Variants in LTBP1 observed in about 807,000 individuals in gnomAD.
LTBP1 encodes the protein latent transforming growth factor beta binding protein 1.
A neutral mutation model predicts 207.6 loss-of-function variants in LTBP1; 129 were observed. That is an observed-to-expected ratio of 0.62 (90% CI 0.54 to 0.72). The LOEUF (loss-of-function observed/expected upper bound fraction) is 0.72. Among genes scored for constraint, LTBP1 ranks in the 30% least tolerant of loss-of-function variants. The pLI, the probability that LTBP1 is intolerant of heterozygous loss-of-function variation, is 0.00. For missense variants in LTBP1, 2,281 were observed against 2,217.2 expected, an observed-to-expected ratio of 1.03 and a Z score of -0.58; for synonymous variants, 963 against 833.7, an observed-to-expected ratio of 1.16 and a Z score of -2.67.
intron 18 of LTBP1, among the ~76,000 whole-genome samples, chr2:33,279,075 C>T (rs2093504492): frequency 6.6e-6 from 1 of 151,990 alleles, no homozygotes; most frequent in South Asian, 2.1e-4. Context: ...TAGTTTATGT[C>T]CTGAAAATCC....
At chr2:33,040,760 G>A (rs1462782479) in intron 3 of LTBP1, among the ~76,000 whole-genome samples, 2 of 152,232 alleles carry the variant, frequency 1.3e-5, no homozygotes, top group Admixed American at 1.3e-4. Flanking sequence ...CAGGCATAGA[G>A]CAGTTGGAAC....
intron 23 of LTBP1, among the ~76,000 whole-genome samples, chr2:33,311,295 T>C (rs2094183921): frequency 6.6e-6 from 1 of 152,216 alleles, no homozygotes; most frequent in Admixed American, 6.5e-5. Context: ...AAGACAGATA[T>C]TTTAAAAATC....
intron 5 of LTBP1, among the ~76,000 whole-genome samples, chr2:33,172,441 A>G (rs371056694): frequency 6.6e-6 from 1 of 152,120 alleles, no homozygotes; most frequent in East Asian, 1.9e-4. Flanking sequence ...ATCAATTCAA[A>G]AAGAAGAGCT....
intron 3 of LTBP1, among the ~76,000 whole-genome samples, chr2:33,080,177 C>T (rs951204267): frequency 4.6e-5 from 7 of 152,072 alleles, no homozygotes; most frequent in African/African-American, 1.7e-4. Flanking sequence ...CAGGTGTGTG[C>T]CACCATGCCT....
At chr2:33,388,687 G>A (rs185939182) in intron 31 of LTBP1, among the ~76,000 whole-genome samples, 5 of 152,252 alleles carry the variant, frequency 3.3e-5, no homozygotes, top group East Asian at 3.9e-4. Context: ...AGTTATAATC[G>A]TGACTACTAA....
intron 20 of LTBP1, among the ~76,000 whole-genome samples, chr2:33,299,226 G>A (rs1457636593): frequency 1.3e-5 from 2 of 149,966 alleles, no homozygotes; most frequent in Non-Finnish European, 3.0e-5. Flanking sequence ...TGGCGACAGA[G>A]CGAGACTCTG....
chr2:33,357,643 T>C (rs916231437), intron 26 of LTBP1, among the ~76,000 whole-genome samples: 1 of 152,168 alleles, frequency 6.6e-6, no homozygotes, highest in African/African-American at 2.4e-5. Context: ...AACCGAACTT[T>C]CTTGTTGTTA....
At chr2:33,175,220 A>G (rs1268451025) in intron 5 of LTBP1, among the ~76,000 whole-genome samples, 1 of 151,436 alleles carries the variant, frequency 6.6e-6, no homozygotes, top group Non-Finnish European at 1.5e-5. Flanking sequence ...GTGAACAGGC[A>G]ACCTACAAAA....
chr2:33,057,583 A>C (rs1287274861), intron 3 of LTBP1, among the ~76,000 whole-genome samples: 1 of 152,250 alleles, frequency 6.6e-6, no homozygotes, highest in East Asian at 1.9e-4. Context: ...ACAGGGAGGC[A>C]GCTAAGGCCT....
chr2:33,381,602 A>T (rs2095215339), intron 31 of LTBP1, among the ~76,000 whole-genome samples: 1 of 152,218 alleles, frequency 6.6e-6, no homozygotes, highest in African/African-American at 2.4e-5. Context: ...AAATCGAGCA[A>T]ATTCAATAAA....
At chr2:33,395,849 C>T (rs962223241) in intron 32 of LTBP1, among the ~76,000 whole-genome samples, 5 of 152,114 alleles carry the variant, frequency 3.3e-5, no homozygotes, top group Non-Finnish European at 7.3e-5. Context: ...TGCCTGCTGC[C>T]CCCTGCAGTT....
intron 3 of LTBP1, among the ~76,000 whole-genome samples, chr2:33,085,456 C>A (rs1310953540): frequency 2.0e-5 from 3 of 152,186 alleles, no homozygotes; most frequent in Non-Finnish European, 4.4e-5. Flanking sequence ...AATTTTGGTT[C>A]TAGGTCCTGA....
At chr2:33,291,834 G>T (rs2093780514) in intron 19 of LTBP1, 2 of 152,206 alleles carry the variant, frequency 1.3e-5, no homozygotes, top group Non-Finnish European at 2.9e-5. Context: ...ATGCAATCTA[G>T]ACTCTGGGTT....
intron 7 of LTBP1, among the ~76,000 whole-genome samples, chr2:33,197,093 T>G (rs1162084611): frequency 6.6e-6 from 1 of 152,248 alleles, no homozygotes; most frequent in East Asian, 1.9e-4. Context: ...TAAAAATATG[T>G]TTAACAATCA....
chr2:32,994,377 C>G (rs971185265), intron 2 of LTBP1, among the ~76,000 whole-genome samples: 5 of 152,124 alleles, frequency 3.3e-5, no homozygotes, highest in Non-Finnish European at 5.9e-5. Context: ...ATTAAGTAAC[C>G]TGCCCAAGGT....
intron 29 of LTBP1, 102 bp from the exon 30 acceptor site, chr2:33,364,114 C>G (rs757590087): frequency 8.7e-7 from 1 of 1,155,064 alleles, no homozygotes; most frequent in African/African-American, 1.6e-5. Flanking sequence ...TTTGGCAGCA[C>G]CTGGAATCTG....
intron 24 of LTBP1, among the ~76,000 whole-genome samples, chr2:33,315,579 T>C (rs893531091): frequency 2.6e-5 from 4 of 152,212 alleles, no homozygotes; most frequent in African/African-American, 9.6e-5. Context: ...CTGTGGCAAC[T>C]TCCCTTTCCC....
At chr2:33,377,476 A>G (rs2095154809) in intron 31 of LTBP1, among the ~76,000 whole-genome samples, 1 of 152,190 alleles carries the variant, frequency 6.6e-6, no homozygotes, top group African/African-American at 2.4e-5. Flanking sequence ...AGTTGTATTC[A>G]TGGCACTTTT....
chr2:33,304,226 A>G (rs1159400576), intron 22 of LTBP1, among the ~76,000 whole-genome samples: 2 of 152,220 alleles, frequency 1.3e-5, no homozygotes. Context: ...CTGGGTTATA[A>G]ATAGGACTGG....
Sources: gnomAD v4.1 joint callset for allele counts (sites outside exome capture counted in the v4.1 genomes callset) on GRCh38, gnomAD v4.1.1 for gene constraint, MANE v1.5 for transcripts, NCBI Gene and HGNC (gene_info 2026-07-23, HGNC 2026-07-21) for gene names.